Variants in PIGN observed in about 807,000 individuals in gnomAD.
PIGN encodes the protein GPI ethanolamine phosphate transferase 1.
PIGN carries 117 observed loss-of-function variants against 125.4 expected under a neutral mutation model. The ratio of observed to expected loss-of-function variants is 0.93; its 90% CI spans 0.80 to 1.09. The LOEUF is 1.09. Ranked by LOEUF, PIGN falls within the 50% of genes least tolerant of loss-of-function variation. PIGN has a pLI of 0.00. For missense variants in PIGN, 1,075 were observed against 1,094.9 expected, an observed-to-expected ratio of 0.98 and a Z score of 0.26; for synonymous variants, 392 against 377.8, an observed-to-expected ratio of 1.04 and a Z score of -0.44.
At chr18:62,019,893 C>T (rs2144857207) in intron 23 of PIGN, among the ~76,000 whole-genome samples, 1 of 152,366 alleles carries the variant, frequency 6.6e-6, no homozygotes, top group Admixed American at 6.5e-5. Context: ...ACTTTCCAGA[C>T]TGTGGCACAG....
chr18:62,058,549 A>T (rs2031898327), intron 30 of PIGN, among the ~76,000 whole-genome samples: 1 of 152,210 alleles, frequency 6.6e-6, no homozygotes, highest in Non-Finnish European at 1.5e-5. Flanking sequence ...ATTTACTCAC[A>T]TGGGGAAATG....
rs567781656 is a variant in PIGN, at chr18:62,122,046, G to A, written c.1173-7407C>T. 3.3e-3 allele frequency among the ~76,000 whole-genome samples: 497 copies of A among 152,226 alleles called. 3 individuals carry two copies. Among genetic ancestry groups the A allele is most frequent in the Non-Finnish European group, 5.3e-3 (361 of 67,986 alleles). The stretch of plus-strand genomic sequence containing the variant: ...GGTTACCAGAGGTTAGAAAAGTAGA[G>A]GGGAGAAGGCAATGAAGAGAGGTGG... On this transcript the variant is annotated intron_variant, in intron 14 of 30. Transcript: ENST00000640252.
At chr18:62,150,383 T>C (rs986885942) in intron 7 of PIGN, among the ~76,000 whole-genome samples, 3 of 152,138 alleles carry the variant, frequency 2.0e-5, no homozygotes, top group African/African-American at 4.8e-5. Context: ...AGTTATAGTA[T>C]AGCACAATAA....
intron 23 of PIGN, among the ~76,000 whole-genome samples, chr18:62,092,069 A>G (rs2033986661): frequency 6.6e-6 from 1 of 152,212 alleles, no homozygotes; most frequent in South Asian, 2.1e-4. Context: ...ATAACACTGA[A>G]GACTGGGCAG....
chr18:62,154,617 A>G lies in PIGN; in HGVS notation c.477T>C (p.Tyr159=), dbSNP rs1487409202. The stretch of plus-strand genomic sequence containing the variant: ...CACCAAAATCCTCTCTTTTAGCATC[A>G]TAACTATATGTATAAACGTGGTCTC... ...ASGDHVYTYS[Y]DAKREDFGAQ... The change falls in exon 7 of 31, where the codon TAT becomes TAC. Residue 159 remains tyrosine (Y), a synonymous_variant. Coordinates refer to ENST00000640252, the MANE Select transcript of PIGN (RefSeq NM_176787.5). 2 of 1,580,684 alleles carry G rather than the reference A, an allele frequency of 1.3e-6. No homozygotes were observed. The highest frequency in any genetic ancestry group is 1.7e-6 in the Non-Finnish European group (2 of 1,151,270).
intron 14 of PIGN, among the ~76,000 whole-genome samples, chr18:62,125,770 A>G (rs76048471): frequency 0.067 from 10,114 of 152,082 alleles, 618 homozygotes; most frequent in African/African-American, 0.16. Flanking sequence ...TTTGGTGTAT[A>G]TTCTATTACG....
At chr18:62,065,112 TTC>T (rs150052913) in intron 30 of PIGN, among the ~76,000 whole-genome samples, 3 of 151,874 alleles carry the variant, frequency 2.0e-5, no homozygotes, top group Admixed American at 6.6e-5. Flanking sequence ...TTCTTTTTCT[TTC>T]TCTCTCTCTC....
chr18:62,104,624 T>C (rs997725434), intron 20 of PIGN, among the ~76,000 whole-genome samples: 1 of 152,188 alleles, frequency 6.6e-6, no homozygotes. Flanking sequence ...CCTGGTCTAT[T>C]GCATATTGGT....
chr18:62,156,583 A>G (rs963426680), intron 6 of PIGN, among the ~76,000 whole-genome samples: 18 of 152,260 alleles, frequency 1.2e-4, no homozygotes, highest in African/African-American at 4.3e-4. Flanking sequence ...CACCTGCCTC[A>G]GCCTCCCAAA....
intron 23 of PIGN, among the ~76,000 whole-genome samples, chr18:62,094,816 G>T (rs566383751): frequency 1.2e-4 from 18 of 152,232 alleles, no homozygotes; most frequent in African/African-American, 3.4e-4. Flanking sequence ...TTAGGCAGGG[G>T]GAAGGGAAAC....
At chr18:62,076,850 G>C (rs2033197864) in intron 28 of PIGN, among the ~76,000 whole-genome samples, 5 of 152,138 alleles carry the variant, frequency 3.3e-5, no homozygotes, top group Non-Finnish European at 7.4e-5. Flanking sequence ...AGAGTTTGTA[G>C]AGAATGCAAT....
chr18:62,114,359 CAAA>C (rs373385473), intron 15 of PIGN, among the ~76,000 whole-genome samples, 199 bp downstream of exon 15: 3 of 111,360 alleles, frequency 2.7e-5, no homozygotes, highest in Admixed American at 9.6e-5. Flanking sequence ...CACTCTGTCT[CAAA>C]AAAAAAAAAA....
At chr18:62,166,328 C>T (rs1289344831) in intron 1 of PIGN, among the ~76,000 whole-genome samples, 1 of 152,232 alleles carries the variant, frequency 6.6e-6, no homozygotes, top group Non-Finnish European at 1.5e-5. Flanking sequence ...AAAGGTTCTT[C>T]TGATCACTCT....
chr18:62,097,116 T>G (rs2034242185), intron 22 of PIGN, among the ~76,000 whole-genome samples: 2 of 145,142 alleles, frequency 1.4e-5, no homozygotes, highest in Admixed American at 6.9e-5. Context: ...CAAAAGAAAC[T>G]ACCATCAGAG....
At chr18:62,131,983 C>G (rs1434083518) in intron 14 of PIGN, among the ~76,000 whole-genome samples, 3 of 150,616 alleles carry the variant, frequency 2.0e-5, no homozygotes, top group African/African-American at 2.4e-5. Flanking sequence ...TAAGAACAGA[C>G]AAGTGAACAA....
At chr18:62,162,558 A>T (rs1329274952) in intron 2 of PIGN, 4 of 152,172 alleles carry the variant, frequency 2.6e-5, no homozygotes, top group Non-Finnish European at 5.9e-5. Flanking sequence ...ATCAAAGTCA[A>T]GCAGATTATA....
At chr18:62,026,489 C>A (rs1459986665) in intron 23 of PIGN, among the ~76,000 whole-genome samples, 1 of 152,210 alleles carries the variant, frequency 6.6e-6, no homozygotes, top group Non-Finnish European at 1.5e-5. Flanking sequence ...CAAGAACCAA[C>A]TGATGACAAA....
chr18:62,038,119 C>A (rs1274985442), downstream of PIGN, among the ~76,000 whole-genome samples: 2 of 152,114 alleles, frequency 1.3e-5, no homozygotes, highest in Non-Finnish European at 2.9e-5. Flanking sequence ...TAGTATTAGG[C>A]ATGAAAGCAG....
intron 28 of PIGN, among the ~76,000 whole-genome samples, chr18:62,076,442 G>A (rs1224902736): frequency 6.6e-6 from 1 of 152,102 alleles, no homozygotes; most frequent in Non-Finnish European, 1.5e-5. Context: ...CTCCCAGTAT[G>A]TAACCTATGT....
Sources: gnomAD v4.1 joint callset for allele counts (sites outside exome capture counted in the v4.1 genomes callset) on GRCh38, gnomAD v4.1.1 for gene constraint, MANE v1.5 for transcripts, NCBI Gene and HGNC (gene_info 2026-07-23, HGNC 2026-07-21) for gene names.